The following CEP68 variants were observed in gnomAD, a reference collection of about 807,000 sequenced individuals.
CEP68 encodes the protein centrosomal protein of 68 kDa.
CEP68 carries 26 observed loss-of-function variants against 55.3 expected under a neutral mutation model. That is an observed-to-expected ratio of 0.47 (90% CI 0.34 to 0.65). The LOEUF (loss-of-function observed/expected upper bound fraction) is 0.65, where lower values mean the gene tolerates loss of function less well. Among genes scored for constraint, CEP68 ranks in the 30% least tolerant of loss-of-function variants. CEP68 has a pLI of 0.01. For synonymous variants in CEP68, 402 were observed against 383.2 expected, an observed-to-expected ratio of 1.05 and a Z score of -0.57; for missense variants, 957 against 946.7, an observed-to-expected ratio of 1.01 and a Z score of -0.14.
intron 1 of CEP68, among the ~76,000 whole-genome samples, chr2:65,064,564 C>G (rs1676066129): frequency 6.6e-6 from 1 of 152,064 alleles, no homozygotes; most frequent in Non-Finnish European, 1.5e-5. Context: ...GAAACCCCAT[C>G]TCTACTAAAA....
intron 1 of CEP68, among the ~76,000 whole-genome samples, chr2:65,061,019 A>C (rs1675887441): frequency 6.6e-6 from 1 of 152,182 alleles, no homozygotes; most frequent in Admixed American, 6.5e-5. Flanking sequence ...TCTACTAAAA[A>C]TACTAAAATT....
chr2:65,069,487 G>A lies in CEP68; in HGVS notation c.43G>A (p.Asp15Asn). The change falls in exon 2 of 7, where the codon GAC (aspartate) becomes AAC (asparagine). Residue 15 changes from aspartate to asparagine, a missense_variant. Asp to Asn is a conservative substitution (Grantham distance 23, BLOSUM62 1). Transcript: ENST00000377990. ...EEKAEAEASEDTKAQSYGRGS... is the reference protein window; with the variant it reads ...EEKAEAEASENTKAQSYGRGS... The stretch of plus-strand genomic sequence containing the variant: ...AAAGGCAGAAGCGGAAGCATCTGAA[G>A]ACACAAAGGCCCAGTCCTATGGGAG... The A allele has an allele frequency of 6.5e-7, 1 of 1,532,198 alleles. No individual in the cohort carries two copies. The highest frequency in any genetic ancestry group is 1.3e-5 in the South Asian group (1 of 78,522). 94.9% of individuals were successfully genotyped at this position (1,532,198 alleles called of 1,614,324 possible).
chr2:65,065,150 A>G (rs1485687302), intron 1 of CEP68, among the ~76,000 whole-genome samples: 1 of 152,224 alleles, frequency 6.6e-6, no homozygotes, highest in Non-Finnish European at 1.5e-5. Flanking sequence ...TGGCCCTCAC[A>G]TGTGCTGGTG....
At chr2:65,078,375 C>T (rs1306802124) in intron 5 of CEP68, among the ~76,000 whole-genome samples, 2 of 152,160 alleles carry the variant, frequency 1.3e-5, no homozygotes, top group East Asian at 3.9e-4. Flanking sequence ...CTCTGATTAT[C>T]TGCCTTGTGT....
chr2:65,074,564 C>T lies in CEP68; in HGVS notation c.2007+160C>T, dbSNP rs754277230. The T allele has an allele frequency of 3.1e-5, 33 of 1,053,778 alleles. 1 individual carries two copies. The Middle Eastern group carries it at 8.1e-4, about 26-fold the overall frequency. The allele number at this position is 1,053,778 out of a possible 1,614,324, so 65.3% of individuals were successfully genotyped here. On this transcript the variant is annotated intron_variant, in intron 4 of 6. Coordinates refer to ENST00000377990, the MANE Select transcript of CEP68 (RefSeq NM_015147.3). Reference sequence around the variant, plus strand: ...AGAGCTTCACATTCTTAAAGCGGAACGCTTTGTAAAATGCATGAATTATTT... The same window carrying T: ...AGAGCTTCACATTCTTAAAGCGGAATGCTTTGTAAAATGCATGAATTATTT...
rs779641254 is a variant in CEP68, at chr2:65,082,677, C to A, written c.2246C>A (p.Ala749Glu). 1 of 1,602,786 alleles carries A rather than the reference C, an allele frequency of 6.2e-7. No homozygotes were observed. The highest frequency in any genetic ancestry group is 8.5e-7 in the Non-Finnish European group (1 of 1,176,648). ...ATCCCTGACAAAAAGCCCATGGCGG[C>A]AATGGAGCACCCATGTGAAGGGGTT... Reference protein sequence around the residue: ...TLIPDKKPMAAMEHPCEGV With the variant: ...TLIPDKKPMAEMEHPCEGV The change falls in exon 6 of 7, where the codon GCA becomes GAA. Residue 749 changes from alanine to glutamate, a missense_variant. Physicochemically the swap from Ala to Glu is moderately radical, Grantham distance 107. Transcript: ENST00000377990.
rs1378980772 is a variant in CEP68 at position 65,082,530 on chromosome 2, TGTTA to T, written c.2105-2_2106del. ...CTGGTTTAATTTCTTTGAACCTCAT[TGTTA>T]GTTTTAGAGGATGTCCTTGGGAGGA... On this transcript the variant is annotated splice_acceptor_variant and splice_polypyrimidine_tract_variant and intron_variant, in intron 5 of 6. Transcript: ENST00000377990. LOFTEE classifies it high-confidence loss of function. 3.9e-6 allele frequency: 6 copies of T among 1,526,536 alleles called. No individual in the cohort carries two copies. The highest frequency in any genetic ancestry group is 5.3e-6 in the Non-Finnish European group (6 of 1,141,408). The allele number at this position is 1,526,536 out of a possible 1,614,324, so 94.6% of individuals were successfully genotyped here.
chr2:65,077,429 C>T (rs1328717296), intron 4 of CEP68, among the ~76,000 whole-genome samples: 1 of 152,206 alleles, frequency 6.6e-6, no homozygotes, highest in African/African-American at 2.4e-5. Context: ...GTGGTCTGCA[C>T]AGAGCAAAGA....
Position 65,074,376 on chromosome 2 carries a change from G to A in CEP68, c.1979G>A (p.Ser660Asn), listed in dbSNP as rs1573040143. Residue 660 changes from serine to asparagine, a missense_variant, in exon 4 of 7, where the codon AGT becomes AAT. By Grantham distance (46) the Ser-to-Asn change is conservative (BLOSUM62 1). Transcript: ENST00000377990. ...ACTGCAGCCAGGTCCAATCTTACAAGTCTCAAGTCTTCTCTGCAGCTTTAC... is the reference window on the plus strand; with the variant it reads ...ACTGCAGCCAGGTCCAATCTTACAAATCTCAAGTCTTCTCTGCAGCTTTAC... ...HGTAARSNLT[S>N]LKSSLQLYRQ... 1 of 1,614,070 alleles carries A rather than the reference G, an allele frequency of 6.2e-7. No homozygotes were observed. The highest frequency in any genetic ancestry group is 1.1e-5 in the South Asian group (1 of 91,088).
chr2:65,078,002 A>C, intron 5 of CEP68, 38 bp downstream of exon 5: 1 of 1,523,434 alleles, frequency 6.6e-7, no homozygotes, highest in Middle Eastern at 1.7e-4. Context: ...CCAGAGCTTA[A>C]TCCCTGTCAG....
intron 1 of CEP68, among the ~76,000 whole-genome samples, chr2:65,061,959 T>C (rs186863154): frequency 1.5e-3 from 236 of 152,310 alleles, no homozygotes; most frequent in Non-Finnish European, 2.8e-3. Context: ...GACAGTTTCA[T>C]GTTATTGGAG....
intron 3 of CEP68, chr2:65,074,036 T>C (rs1396324517): frequency 4.4e-6 from 2 of 458,188 alleles, no homozygotes; most frequent in Non-Finnish European, 8.0e-6. Context: ...TCTGGGCTGC[T>C]CCATTCCTAC....
chr2:65,064,664 G>C (rs1676073422), intron 1 of CEP68, among the ~76,000 whole-genome samples: 1 of 151,628 alleles, frequency 6.6e-6, no homozygotes, highest in Non-Finnish European at 1.5e-5. Flanking sequence ...AACCCGGGAG[G>C]TGGAGCTTGC....
chr2:65,082,554 G>A lies in CEP68; in HGVS notation c.2123G>A (p.Gly708Glu). The A allele has an allele frequency of 6.3e-7, 1 of 1,579,004 alleles. No homozygotes were observed. Among genetic ancestry groups the A allele is most frequent in the Non-Finnish European group, 8.6e-7 (1 of 1,167,730 alleles). Residue 708 changes from glycine (G) to glutamate (E), a missense_variant, in exon 6 of 7, where the codon GGG becomes GAG. Physicochemically the swap from Gly to Glu is moderately conservative, Grantham distance 98 (BLOSUM62 -2). Coordinates refer to ENST00000377990, the MANE Select transcript of CEP68 (RefSeq NM_015147.3). Reference protein sequence around the residue: ...ENTPVLEDVLGRIAKQSGELE... With the variant: ...ENTPVLEDVLERIAKQSGELE... ...TTGTTAGTTTTAGAGGATGTCCTTG[G>A]GAGGATCGCAAAGCAGTCTGGTGAG...
intron 1 of CEP68, among the ~76,000 whole-genome samples, chr2:65,060,370 A>C (rs1675854734): frequency 1.3e-5 from 2 of 152,160 alleles, no homozygotes; most frequent in African/African-American, 4.8e-5. Flanking sequence ...TGGCAATCTT[A>C]ATAGTATCTC....
At chr2:65,057,100 A>G (rs1675660094) in intron 1 of CEP68, among the ~76,000 whole-genome samples, 2 of 152,368 alleles carry the variant, frequency 1.3e-5, no homozygotes, top group South Asian at 4.1e-4. Flanking sequence ...AACTGTCATC[A>G]CTAGAACAGT....
chr2:65,066,745 A>AAAAAAAAATATAT (rs70943620), intron 1 of CEP68, among the ~76,000 whole-genome samples: 3 of 58,398 alleles, frequency 5.1e-5, no homozygotes, highest in Non-Finnish European at 9.2e-5. Flanking sequence ...AAAAAAAAAA[A>AAAAAAAAATATAT]ATATATATAT....
chr2:65,071,508 C>T lies in CEP68; in HGVS notation c.412C>T (p.Pro138Ser). 1.2e-6 allele frequency: 2 copies of T among 1,611,920 alleles called. No individual in the cohort carries two copies. Among genetic ancestry groups the T allele is most frequent in the Non-Finnish European group, 1.7e-6 (2 of 1,178,794 alleles). Residue 138 changes from proline to serine, a missense_variant, in exon 3 of 7, where the codon CCC (proline) becomes TCC (serine). Transcript: ENST00000377990. ...GGAGTTCCCTCAGACTCTGAGCCTT[C>T]CCAGAACAACAACTATTTGCTCAGG... ...SEEFPQTLSL[P>S]RTTTICSGHD...
intron 1 of CEP68, among the ~76,000 whole-genome samples, chr2:65,068,680 A>T (rs1168166536): frequency 1.3e-5 from 2 of 152,124 alleles, no homozygotes; most frequent in Admixed American, 6.5e-5. Context: ...TAGAAAAATT[A>T]GCCAGGCGTG....
Sources: gnomAD v4.1 joint callset for allele counts (sites outside exome capture counted in the v4.1 genomes callset) on GRCh38, gnomAD v4.1.1 for gene constraint, MANE v1.5 for transcripts, NCBI Gene and HGNC (gene_info 2026-07-23, HGNC 2026-07-21) for gene names.